Variants in DMD observed in about 807,000 individuals in gnomAD.
DMD encodes dystrophin.
Under a neutral mutation model 330.1 loss-of-function variants are expected in DMD, and 63 were observed. That is an observed-to-expected ratio of 0.19 (90% CI 0.16 to 0.24). The LOEUF is 0.24. Among genes scored for constraint, DMD ranks in the 10% least tolerant of loss-of-function variants. The probability of loss-of-function intolerance (pLI) is 1.00; values close to 1 mark genes in which losing one functional copy is unlikely to be tolerated. For synonymous variants in DMD, 1,223 were observed against 959.8 expected, an observed-to-expected ratio of 1.27 and a Z score of -5.07; for missense variants, 3,344 against 2,684.1, an observed-to-expected ratio of 1.25 and a Z score of -5.43.
At chrX:32,472,555 G>A (rs1404663334) in intron 21 of DMD, among the ~76,000 whole-genome samples, 1 of 110,718 alleles carries the variant, frequency 9.0e-6, no homozygotes, top group Non-Finnish European at 1.9e-5. Flanking sequence ...TGTTCAATTC[G>A]TTTTATAAGG....
chrX:32,069,323 A>G (rs2096280503), intron 44 of DMD, among the ~76,000 whole-genome samples: 1 of 111,821 alleles, frequency 8.9e-6, no homozygotes, highest in Non-Finnish European at 1.9e-5. Context: ...GCTAAATCTA[A>G]ATATGTTTCT....
At chrX:32,776,311 C>T (rs1290051633) in intron 7 of DMD, among the ~76,000 whole-genome samples, 2 of 106,842 alleles carry the variant, frequency 1.9e-5, no homozygotes, top group African/African-American at 6.7e-5. Flanking sequence ...CCAACCTCTG[C>T]CAGTTACCCA....
chrX:31,999,136 A>G lies in DMD; in HGVS notation c.6439-30622T>C, dbSNP rs191928425. Among the ~76,000 whole-genome samples the G allele has an allele frequency of 2.7e-5, 3 of 112,354 alleles. No individual in the cohort carries two copies. In the East Asian group the frequency reaches 8.4e-4, roughly 32 times the overall value. ...TCAATAGTAAGATTCTTTGATGTTCATCTTTTAAGATTCTCCTTTGTACTA... is the reference window on the plus strand; with the variant it reads ...TCAATAGTAAGATTCTTTGATGTTCGTCTTTTAAGATTCTCCTTTGTACTA... On this transcript the variant is annotated intron_variant, in intron 44 of 78. Coordinates refer to ENST00000357033, the MANE Select transcript of DMD (RefSeq NM_004006.3).
intron 7 of DMD, among the ~76,000 whole-genome samples, chrX:32,753,315 C>T (rs1457104469): frequency 2.7e-5 from 3 of 112,244 alleles, no homozygotes; most frequent in African/African-American, 9.7e-5. Context: ...TATTCCAAGA[C>T]ATGAGCCTTT....
intron 7 of DMD, among the ~76,000 whole-genome samples, chrX:32,709,538 CTAA>C (rs2064993120): frequency 2.7e-5 from 3 of 111,837 alleles, no homozygotes; most frequent in African/African-American, 9.7e-5. Flanking sequence ...TAAAAGCACT[CTAA>C]TGTCATCCCT....
At position 31,120,879 on chromosome X, in the gene DMD, AT is replaced by A. The variant is rs1170224562; in HGVS notation, c.*1039del. On this transcript the variant is annotated 3_prime_UTR_variant, in exon 79 of 79. Transcript: ENST00000357033. ...GGAAGCTGAATGTATCAATCAATCA[AT>A]CAATCAACCAACCAACCGATTACTC... 16 of 110,212 alleles carry A rather than the reference AT, an allele frequency of 1.5e-4. 1 individual carries two copies. Among genetic ancestry groups the A allele is most frequent in the African/African-American group, 5.5e-4 (16 of 29,188 alleles). 9.1% of individuals were successfully genotyped at this position (110,212 alleles called of 1,213,427 possible).
intron 63 of DMD, among the ~76,000 whole-genome samples, chrX:31,252,878 G>A (rs767782543): frequency 9.0e-6 from 1 of 111,486 alleles, no homozygotes; most frequent in East Asian, 2.8e-4. Flanking sequence ...TGAGCATGGT[G>A]GCGGGAGGCT....
chrX:33,266,057 T>A (rs761863620), intron 1 of DMD, among the ~76,000 whole-genome samples: 2 of 111,833 alleles, frequency 1.8e-5, no homozygotes, highest in African/African-American at 6.5e-5. Flanking sequence ...TAAGTCGCTA[T>A]GCTAGTGAGA....
At chrX:31,154,822 T>G (rs1423411411) in intron 74 of DMD, among the ~76,000 whole-genome samples, 1 of 111,242 alleles carries the variant, frequency 9.0e-6, no homozygotes, top group Admixed American at 9.6e-5. Context: ...TAAATTATAT[T>G]TCTCTGGTAG....
intron 9 of DMD, among the ~76,000 whole-genome samples, chrX:32,647,705 A>G (rs373694903): frequency 8.9e-6 from 1 of 112,135 alleles, no homozygotes; most frequent in African/African-American, 3.2e-5. Context: ...TAAAGAGTGC[A>G]TAATGCACTT....
chrX:32,545,619 A>T (rs1370964680), intron 16 of DMD, among the ~76,000 whole-genome samples: 2 of 111,445 alleles, frequency 1.8e-5, no homozygotes, highest in African/African-American at 6.5e-5. Flanking sequence ...CAGAGGAGAA[A>T]AATGTAGAGT....
intron 13 of DMD, among the ~76,000 whole-genome samples, chrX:32,590,968 C>T (rs1323113283): frequency 9.0e-6 from 1 of 111,571 alleles, no homozygotes; most frequent in East Asian, 2.8e-4. Flanking sequence ...GGGTTCTGTC[C>T]TTCTAGAGAA....
At chrX:32,520,714 A>G (rs1384790373) in intron 17 of DMD, among the ~76,000 whole-genome samples, 2 of 110,986 alleles carry the variant, frequency 1.8e-5, no homozygotes, top group African/African-American at 6.6e-5. Context: ...TCACTTCCCT[A>G]CTTTGTTTCC....
intron 29 of DMD, among the ~76,000 whole-genome samples, chrX:32,414,968 G>A (rs1160496513): frequency 9.0e-6 from 1 of 111,691 alleles, no homozygotes; most frequent in Non-Finnish European, 1.9e-5. Context: ...GCTATAATCA[G>A]AGCCTCTATT....
At position 32,584,880 on chromosome X, in the gene DMD, A is replaced by G. The variant is rs7053080; in HGVS notation, c.1602+10877T>C. ...TACTTCTGTAATAAGTCTTTAAGCT[A>G]TAATTATAACTTATGTCCTTTGCTT... On this transcript the variant is annotated intron_variant, in intron 13 of 78. Transcript: ENST00000357033. 5.5e-3 allele frequency among the ~76,000 whole-genome samples: 616 copies of G among 111,862 alleles called. 7 individuals are homozygous for G. Among genetic ancestry groups the G allele is most frequent in the African/African-American group, 0.019 (584 of 30,784 alleles).
rs189490346 is a variant in DMD at position 31,473,151 on chromosome X, G to A, written c.8937+4955C>T. Among the ~76,000 whole-genome samples, 460 of 105,213 alleles carry A rather than the reference G, an allele frequency of 4.4e-3. 2 individuals carry two copies. Among genetic ancestry groups the A allele is most frequent in the Middle Eastern group, 0.03 (6 of 201 alleles). The allele number at this position is 105,213 out of a possible 115,157, so 91.4% of individuals were successfully genotyped here. On this transcript the variant is annotated intron_variant, in intron 59 of 78. Transcript: ENST00000357033. ...GTGAACGGATCACCTGAGGTCAGAAGTTCGAGACCAGCCTGGCCAACGTGG... is the reference window on the plus strand; with the variant it reads ...GTGAACGGATCACCTGAGGTCAGAAATTCGAGACCAGCCTGGCCAACGTGG...
Position 33,009,646 on chromosome X carries a change from A to ATGTG in DMD, c.93+10489_93+10492dup, listed in dbSNP as rs2093587107. On this transcript the variant is annotated intron_variant, in intron 2 of 78. Coordinates refer to ENST00000357033, the MANE Select transcript of DMD (RefSeq NM_004006.3). ...TATGTGTGTATGTGTATATACACAT[A>ATGTG]TGTGTGTATACGTGTATATGTGTAT... is the stretch of plus-strand genomic sequence containing the variant. Among the ~76,000 whole-genome samples the ATGTG allele has an allele frequency of 1.0e-4, 6 of 59,456 alleles. 3 individuals are homozygous for ATGTG. The highest frequency in any genetic ancestry group is 3.2e-4 in the Admixed American group (2 of 6,242). The allele number at this position is 59,456 out of a possible 115,157, so 51.6% of individuals were successfully genotyped here.
Position 31,574,237 on chromosome X carries a change from G to A in DMD, c.8217+53436C>T, listed in dbSNP as rs766388674. On this transcript the variant is annotated intron_variant, in intron 55 of 78. Transcript: ENST00000357033. ...CGGCTCACCGCAAGCTCCACCTCCC[G>A]GATTCATGCCATCCTCCTGCCTCAG... 7.0e-5 allele frequency among the ~76,000 whole-genome samples: 7 copies of A among 99,388 alleles called. 1 individual carries two copies. Among genetic ancestry groups the A allele is most frequent in the South Asian group, 5.3e-4 (1 of 1,881 alleles). The allele number at this position is 99,388 out of a possible 115,157, so 86.3% of individuals were successfully genotyped here.
At chrX:33,214,971 C>T (rs1205968578), upstream of DMD, among the ~76,000 whole-genome samples, 1 of 112,314 alleles carries the variant, frequency 8.9e-6, no homozygotes, top group African/African-American at 3.2e-5. Context: ...AAAAGAAGCA[C>T]ATTTAAAAAT....
Sources: allele counts gnomAD v4.1 joint callset (sites outside exome capture counted in the v4.1 genomes callset), GRCh38; gene constraint gnomAD v4.1.1; transcripts MANE v1.5; gene names NCBI Gene and HGNC (gene_info 2026-07-23, HGNC 2026-07-21).